CTNNA2: variants seen among roughly 807,000 people sequenced by gnomAD.
The protein encoded by CTNNA2 is catenin alpha-2.
In CTNNA2, 42 loss-of-function variants were observed where a neutral mutation model predicts 101.0. That is an observed-to-expected ratio of 0.42 (90% CI 0.32 to 0.54). The LOEUF (loss-of-function observed/expected upper bound fraction) is 0.54, where lower values mean the gene tolerates loss of function less well. Ranked by LOEUF, CTNNA2 falls within the 20% of genes least tolerant of loss-of-function variation. CTNNA2 has a pLI of 0.14. For missense variants in CTNNA2, 871 were observed against 1,223.1 expected, an observed-to-expected ratio of 0.71 and a Z score of 4.29; for synonymous variants, 450 against 456.4, an observed-to-expected ratio of 0.99 and a Z score of 0.18.
At chr2:79,845,967 C>A (rs1196528453) in intron 3 of CTNNA2, among the ~76,000 whole-genome samples, 2 of 143,410 alleles carry the variant, frequency 1.4e-5, no homozygotes, top group Non-Finnish European at 3.1e-5. Context: ...TAAGAAACGA[C>A]CATTTCTCTG....
chr2:80,135,881 AT>A (rs1702665875), intron 7 of CTNNA2, among the ~76,000 whole-genome samples: 1 of 152,078 alleles, frequency 6.6e-6, no homozygotes, highest in African/African-American at 2.4e-5. Context: ...TGCACTCCTT[AT>A]AACCCCAGGG....
At chr2:80,492,044 T>A (rs1270522755) in intron 9 of CTNNA2, among the ~76,000 whole-genome samples, 3 of 152,142 alleles carry the variant, frequency 2.0e-5, no homozygotes, top group African/African-American at 7.2e-5. Context: ...GATGGTGATA[T>A]GGTGTGGATT....
At chr2:80,379,576 C>A in intron 7 of CTNNA2, among the ~76,000 whole-genome samples, 1 of 151,982 alleles carries the variant, frequency 6.6e-6, no homozygotes, top group Admixed American at 6.6e-5. Flanking sequence ...AGGTGTACTT[C>A]CAGTAAATGG....
At chr2:79,770,638 T>A (rs1035111687) in intron 3 of CTNNA2, among the ~76,000 whole-genome samples, 19 of 152,304 alleles carry the variant, frequency 1.2e-4, no homozygotes, top group Middle Eastern at 3.4e-3. Flanking sequence ...GCAAACTATT[T>A]TAAAATCAAA....
chr2:79,185,979 T>C (rs1208029167), intron 1 of CTNNA2, among the ~76,000 whole-genome samples: 1 of 152,168 alleles, frequency 6.6e-6, no homozygotes, highest in Non-Finnish European at 1.5e-5. Flanking sequence ...GTTTGGTAAG[T>C]TAGGAAACTT....
At chr2:79,367,403 T>G (rs1274580953) in intron 3 of CTNNA2, among the ~76,000 whole-genome samples, 1 of 152,172 alleles carries the variant, frequency 6.6e-6, no homozygotes, top group Non-Finnish European at 1.5e-5. Context: ...AAAGCATCTC[T>G]GGCAGGGAAA....
chr2:80,109,663 G>A (rs188329286), intron 7 of CTNNA2, among the ~76,000 whole-genome samples: 5 of 150,714 alleles, frequency 3.3e-5, no homozygotes, highest in Admixed American at 1.3e-4. Flanking sequence ...TCTGTTTGGC[G>A]TGGAAACACA....
intron 4 of CTNNA2, among the ~76,000 whole-genome samples, chr2:79,383,936 T>C (rs925227980): frequency 6.6e-6 from 1 of 152,040 alleles, no homozygotes; most frequent in African/African-American, 2.4e-5. Flanking sequence ...TCTTTGAAAA[T>C]AGGACAGAGA....
chr2:79,291,366 A>G (rs1675807994), intron 2 of CTNNA2, among the ~76,000 whole-genome samples: 1 of 152,204 alleles, frequency 6.6e-6, no homozygotes, highest in South Asian at 2.1e-4. Context: ...AAATGTAGAG[A>G]TGATATATCC....
At chr2:80,414,714 G>A (rs1679884516) in intron 8 of CTNNA2, among the ~76,000 whole-genome samples, 3 of 152,180 alleles carry the variant, frequency 2.0e-5, no homozygotes, top group African/African-American at 7.2e-5. Flanking sequence ...CAAAGACACA[G>A]GGTGCCTTAA....
intron 7 of CTNNA2, among the ~76,000 whole-genome samples, chr2:80,095,021 C>A (rs1206646126): frequency 6.7e-6 from 1 of 149,028 alleles, no homozygotes; most frequent in Non-Finnish European, 1.5e-5. Flanking sequence ...ATTGCCCTGG[C>A]CAGAACTTCC....
chr2:79,424,274 A>C (rs1678570364), intron 4 of CTNNA2, among the ~76,000 whole-genome samples: 1 of 152,144 alleles, frequency 6.6e-6, no homozygotes, highest in Non-Finnish European at 1.5e-5. Flanking sequence ...GTTTATTCAG[A>C]ATTACATTCT....
intron 9 of CTNNA2, among the ~76,000 whole-genome samples, chr2:80,425,580 TA>T (rs76807092): frequency 0.15 from 23,496 of 152,056 alleles, 2,468 homozygotes; most frequent in East Asian, 0.51. Flanking sequence ...ACATTTCCAT[TA>T]ATCACATAAG....
intron 7 of CTNNA2, among the ~76,000 whole-genome samples, chr2:79,955,492 A>C (rs1241296603): frequency 2.0e-5 from 3 of 152,122 alleles, no homozygotes; most frequent in Non-Finnish European, 2.9e-5. Flanking sequence ...AAATGCAGCT[A>C]TCTGACCCTC....
chr2:80,637,814 A>G (rs1342668530), intron 18 of CTNNA2, among the ~76,000 whole-genome samples: 5 of 151,974 alleles, frequency 3.3e-5, no homozygotes. Context: ...CAGGCATAGT[A>G]CTCCACCAAC....
At chr2:80,150,991 G>A (rs371285727) in intron 7 of CTNNA2, among the ~76,000 whole-genome samples, 10 of 152,126 alleles carry the variant, frequency 6.6e-5, no homozygotes, top group Admixed American at 2.6e-4. Context: ...TGTTGCCCAC[G>A]AGGTTAGCTG....
chr2:80,607,048 TA>T (rs1376909178), intron 16 of CTNNA2, among the ~76,000 whole-genome samples: 2 of 151,880 alleles, frequency 1.3e-5, no homozygotes, highest in Non-Finnish European at 2.9e-5. Flanking sequence ...GTGTTAAATA[TA>T]AAAAATATCC....
intron 7 of CTNNA2, among the ~76,000 whole-genome samples, chr2:80,146,852 G>A (rs1479576048): frequency 2.7e-5 from 4 of 148,916 alleles, no homozygotes; most frequent in Non-Finnish European, 4.5e-5. Flanking sequence ...AGCCTCCCGA[G>A]TAACTGGGAT....
chr2:79,940,208 T>C (rs1241978511), intron 7 of CTNNA2, among the ~76,000 whole-genome samples: 1 of 152,238 alleles, frequency 6.6e-6, no homozygotes, highest in Non-Finnish European at 1.5e-5. Flanking sequence ...TGTATTGTTT[T>C]AGTATTTAGG....
Sources: gnomAD v4.1 joint callset for allele counts (sites outside exome capture counted in the v4.1 genomes callset) on GRCh38, gnomAD v4.1.1 for gene constraint, MANE v1.5 for transcripts, NCBI Gene and HGNC (gene_info 2026-07-23, HGNC 2026-07-21) for gene names.